The following SLC25A48 variants were observed in gnomAD, a reference collection of about 807,000 sequenced individuals.
The protein encoded by SLC25A48 is CTC-321K16.1.
SLC25A48 carries 29 observed loss-of-function variants against 32.2 expected under a neutral mutation model. The observed-to-expected ratio is 0.90, with a 90% CI of 0.67 to 1.23. The LOEUF is 1.23. Ranked by LOEUF, SLC25A48 falls within the 50% of genes most tolerant of loss-of-function variation. The pLI is 0.00. For missense variants in SLC25A48, 399 were observed against 422.7 expected, an observed-to-expected ratio of 0.94 and a Z score of 0.49; for synonymous variants, 164 against 172.3, an observed-to-expected ratio of 0.95 and a Z score of 0.38.
intron 3 of SLC25A48, among the ~76,000 whole-genome samples, chr5:135,710,695 A>G (rs1754632494): frequency 6.6e-6 from 1 of 152,222 alleles, no homozygotes; most frequent in Non-Finnish European, 1.5e-5. Flanking sequence ...TGGAAGAGAA[A>G]AGAAGCTCAG....
chr5:135,690,230 G>A (rs1255898418), intron 3 of SLC25A48, among the ~76,000 whole-genome samples: 1 of 152,190 alleles, frequency 6.6e-6, no homozygotes, highest in African/African-American at 2.4e-5. Context: ...GTTCATGTAT[G>A]GGAGAAGTGA....
upstream of SLC25A48, among the ~76,000 whole-genome samples, chr5:135,833,235 T>C (rs891811005): frequency 6.6e-6 from 1 of 152,236 alleles, no homozygotes; most frequent in Non-Finnish European, 1.5e-5. Flanking sequence ...AGCTCGTTAG[T>C]AGTTCAAGCA....
intron 1 of SLC25A48, among the ~76,000 whole-genome samples, chr5:135,599,406 G>A (rs1230347240): frequency 6.6e-6 from 1 of 152,212 alleles, no homozygotes; most frequent in Non-Finnish European, 1.5e-5. Context: ...CTGATAGGCA[G>A]TCTTTGGGGG....
intron 3 of SLC25A48, among the ~76,000 whole-genome samples, chr5:135,759,060 TCTATG>T (rs1561479172): frequency 1.3e-5 from 2 of 151,950 alleles, no homozygotes; most frequent in South Asian, 2.1e-4. Flanking sequence ...TAGAATATCA[TCTATG>T]CTATGAATAA....
rs2304075 is a variant in SLC25A48 at position 135,842,435 on chromosome 5, T to C, written c.66T>C (p.Val22=). Residue 22 remains valine, a synonymous_variant, in exon 2 of 8, where the codon GTT becomes GTC. Coordinates refer to ENST00000681962, the MANE Select transcript of SLC25A48 (RefSeq NM_001349336.2). ...GWIGGAASVI[V]GHPLDTVKTR... ...CCACAGGTGCAGCCAGTGTCATCGT[T>C]GGCCACCCTCTGGACACAGTCAAGG... 0.8 allele frequency: 1,296,032 copies of C among 1,611,370 alleles called. 524,155 individuals are homozygous for C. Among genetic ancestry groups the C allele is most frequent in the Middle Eastern group, 0.88 (5,313 of 6,040 alleles).
chr5:135,723,251 T>C (rs557888124), intron 3 of SLC25A48, among the ~76,000 whole-genome samples: 61 of 152,314 alleles, frequency 4.0e-4, no homozygotes, highest in Admixed American at 1.4e-3. Context: ...TGGGTTTTCA[T>C]TGGCGAATCA....
intron 3 of SLC25A48, among the ~76,000 whole-genome samples, chr5:135,776,591 ATG>A (rs1269163272): frequency 3.5e-5 from 2 of 57,732 alleles, no homozygotes; most frequent in Non-Finnish European, 1.3e-4. Flanking sequence ...GAGGGAGAGG[ATG>A]ATATTACTCC....
chr5:135,723,573 G>A (rs927758302), intron 3 of SLC25A48, among the ~76,000 whole-genome samples: 1 of 144,066 alleles, frequency 6.9e-6, no homozygotes, highest in Non-Finnish European at 1.5e-5. Context: ...AAACCACACT[G>A]TAAAACCATA....
chr5:135,809,043 T>C (rs2126649582), intron 3 of SLC25A48, among the ~76,000 whole-genome samples: 1 of 152,192 alleles, frequency 6.6e-6, no homozygotes, highest in East Asian at 1.9e-4. Context: ...GGCTCATGCC[T>C]GTCATCCCAG....
intron 3 of SLC25A48, among the ~76,000 whole-genome samples, chr5:135,751,376 A>G (rs1755766765): frequency 6.6e-6 from 1 of 152,198 alleles, no homozygotes; most frequent in African/African-American, 2.4e-5. Flanking sequence ...CACTTCATGG[A>G]CAGAGGCCCC....
intron 3 of SLC25A48, among the ~76,000 whole-genome samples, chr5:135,785,218 C>A (rs528677603): frequency 1.3e-5 from 2 of 152,112 alleles, no homozygotes; most frequent in Admixed American, 6.5e-5. Flanking sequence ...GTGTTCACCC[C>A]CCTTGTCCCA....
At chr5:135,588,086 C>A (rs993666765) in intron 1 of SLC25A48, among the ~76,000 whole-genome samples, 1 of 152,186 alleles carries the variant, frequency 6.6e-6, no homozygotes, top group Non-Finnish European at 1.5e-5. Context: ...CTCCTGGTGT[C>A]GTGGCTGACG....
At chr5:135,811,545 A>C (rs72791362) in intron 3 of SLC25A48, among the ~76,000 whole-genome samples, 8,988 of 152,268 alleles carry the variant, frequency 0.059, 369 homozygotes, top group Middle Eastern at 0.14. Flanking sequence ...AAAATCACTG[A>C]GATTTTAAGT....
At chr5:135,851,848 C>T (rs1759894231) in intron 3 of SLC25A48, among the ~76,000 whole-genome samples, 1 of 152,136 alleles carries the variant, frequency 6.6e-6, no homozygotes, top group African/African-American at 2.4e-5. Flanking sequence ...AGGGACCGAA[C>T]CCGGCCTGCA....
chr5:135,852,625 G>C lies in SLC25A48; in HGVS notation c.225G>C (p.Val75=). 6.2e-7 allele frequency: 1 copy of C among 1,612,928 alleles called. No individual in the cohort carries two copies. Among genetic ancestry groups the C allele is most frequent in the East Asian group, 2.2e-5 (1 of 44,826 alleles). The change falls in exon 4 of 8, where the codon GTG becomes GTC. Residue 75 remains valine (V), a synonymous_variant. Transcript: ENST00000681962. ...PLASIAVYNS[V]VFGVFSNTQR... The stretch of plus-strand genomic sequence containing the variant: ...CCAGCATTGCCGTCTACAACTCCGT[G>C]GTGTTTGGGGTCTTCAGTAACACGC...
chr5:135,698,213 A>C (rs935101064), intron 3 of SLC25A48, among the ~76,000 whole-genome samples: 3 of 152,242 alleles, frequency 2.0e-5, no homozygotes, highest in African/African-American at 7.2e-5. Context: ...ATAAGGCCCT[A>C]GGCTGGGACC....
At chr5:135,869,275 C>A (rs1761458274) in intron 4 of SLC25A48, among the ~76,000 whole-genome samples, 1 of 152,110 alleles carries the variant, frequency 6.6e-6, no homozygotes, top group Admixed American at 6.5e-5. Flanking sequence ...GTGTCAGTAT[C>A]CTGGTGATGG....
At chr5:135,600,993 G>GT (rs1432369532) in intron 1 of SLC25A48, 2 of 147,256 alleles carry the variant, frequency 1.4e-5, no homozygotes, top group African/African-American at 5.2e-5. Flanking sequence ...CCCGGCAAGT[G>GT]TTTTTTGACT....
intron 3 of SLC25A48, among the ~76,000 whole-genome samples, chr5:135,676,883 A>G (rs1277541243): frequency 6.6e-6 from 1 of 152,026 alleles, no homozygotes; most frequent in Non-Finnish European, 1.5e-5. Flanking sequence ...CACATGGTTC[A>G]TCTTTGAGAA....
Sources: allele counts gnomAD v4.1 joint callset (sites outside exome capture counted in the v4.1 genomes callset), GRCh38; gene constraint gnomAD v4.1.1; transcripts MANE v1.5; gene names NCBI Gene and HGNC (gene_info 2026-07-23, HGNC 2026-07-21).